The following TLK2 variants were observed in gnomAD, a reference collection of about 807,000 sequenced individuals.
The protein encoded by TLK2 is serine/threonine-protein kinase tousled-like 2.
A neutral mutation model predicts 117.3 loss-of-function variants in TLK2; 6 were observed. The ratio of observed to expected loss-of-function variants is 0.05; its 90% CI spans 0.03 to 0.10. The LOEUF (loss-of-function observed/expected upper bound fraction) is 0.10, where lower values mean the gene tolerates loss of function less well. TLK2 is among the 10% of genes least tolerant of loss of function. The pLI is 1.00. For synonymous variants in TLK2, 257 were observed against 316.7 expected, an observed-to-expected ratio of 0.81 and a Z score of 2.00; for missense variants, 299 against 901.2, an observed-to-expected ratio of 0.33 and a Z score of 8.56.
chr17:62,501,546 A>G (rs1219318477), intron 2 of TLK2, among the ~76,000 whole-genome samples: 1 of 152,150 alleles, frequency 6.6e-6, no homozygotes, highest in African/African-American at 2.4e-5. Context: ...CAGCCTGGGC[A>G]ATATAGCAAA....
At chr17:62,607,558 G>C (rs1318459981) in intron 20 of TLK2, among the ~76,000 whole-genome samples, 2 of 151,912 alleles carry the variant, frequency 1.3e-5, no homozygotes, top group Non-Finnish European at 2.9e-5. Context: ...ATGGCAGCTC[G>C]GCATAGTTGA....
intron 16 of TLK2, among the ~76,000 whole-genome samples, chr17:62,586,865 A>AC (rs1418247547): frequency 1.3e-5 from 2 of 151,276 alleles, no homozygotes; most frequent in Non-Finnish European, 2.9e-5. Flanking sequence ...TAGAAACTAG[A>AC]CCCTAGGGAG....
chr17:62,522,849 A>G (rs1465661490), intron 4 of TLK2, among the ~76,000 whole-genome samples: 3 of 152,212 alleles, frequency 2.0e-5, no homozygotes, highest in African/African-American at 7.2e-5. Context: ...AAATCTACAG[A>G]TAATTCATTT....
intron 2 of TLK2, among the ~76,000 whole-genome samples, chr17:62,501,623 G>C (rs987908751): frequency 2.6e-5 from 4 of 151,374 alleles, no homozygotes; most frequent in Non-Finnish European, 5.9e-5. Context: ...GAAAGAATGA[G>C]AATCTGAATA....
At chr17:62,579,654 C>G (rs369273309) in intron 14 of TLK2, among the ~76,000 whole-genome samples, 1 of 152,126 alleles carries the variant, frequency 6.6e-6, no homozygotes, top group Admixed American at 6.6e-5. Flanking sequence ...AATGAATGCA[C>G]ATAGAACATG....
intron 2 of TLK2, among the ~76,000 whole-genome samples, chr17:62,491,512 C>T (rs2073109838): frequency 6.6e-6 from 1 of 152,128 alleles, no homozygotes; most frequent in Non-Finnish European, 1.5e-5. Flanking sequence ...TTGATCCTGG[C>T]TACTACTAGA....
chr17:62,563,440 C>G (rs928968252), intron 10 of TLK2, among the ~76,000 whole-genome samples: 4 of 151,976 alleles, frequency 2.6e-5, no homozygotes, highest in African/African-American at 9.7e-5. Context: ...GAGACCCTGT[C>G]TCTTAAAATA....
At chr17:62,607,413 C>T (rs2083391050) in intron 20 of TLK2, among the ~76,000 whole-genome samples, 1 of 151,792 alleles carries the variant, frequency 6.6e-6, no homozygotes, top group East Asian at 1.9e-4. Flanking sequence ...CCTGTAGTCC[C>T]AGCTACTCGG....
intron 2 of TLK2, among the ~76,000 whole-genome samples, chr17:62,508,168 GTTTTTTTTTT>G (rs34268998): frequency 8.0e-6 from 1 of 125,760 alleles, no homozygotes; most frequent in African/African-American, 3.0e-5. Flanking sequence ...AAATTTCCTA[GTTTTTTTTTT>G]TTTTTTTTTG....
intron 6 of TLK2, among the ~76,000 whole-genome samples, chr17:62,532,376 C>A (rs545698391): frequency 2.6e-5 from 4 of 152,274 alleles, no homozygotes; most frequent in African/African-American, 7.2e-5. Flanking sequence ...GCAGCTCGTT[C>A]TCCCATGCAG....
chr17:62,570,703 C>T (rs1390056806), intron 11 of TLK2, among the ~76,000 whole-genome samples: 1 of 152,084 alleles, frequency 6.6e-6, no homozygotes, highest in Admixed American at 6.6e-5. Flanking sequence ...TCAGAATGTG[C>T]AGTTTAGGAT....
intron 13 of TLK2, among the ~76,000 whole-genome samples, chr17:62,577,901 G>A (rs1283275609): frequency 2.0e-5 from 3 of 152,116 alleles, no homozygotes; most frequent in Non-Finnish European, 4.4e-5. Flanking sequence ...CAAAAAATTA[G>A]CTGGGCGTGG....
chr17:62,600,012 ATACTT>A (rs1272973080), intron 17 of TLK2, among the ~76,000 whole-genome samples: 2 of 152,232 alleles, frequency 1.3e-5, no homozygotes, highest in African/African-American at 2.4e-5. Flanking sequence ...CATAGATACT[ATACTT>A]TACAAGCTCT....
Position 62,591,956 on chromosome 17 carries a change from CT to C in TLK2, c.1461-4616del, listed in dbSNP as rs1015103461. Among the ~76,000 whole-genome samples the C allele has an allele frequency of 1.6e-3, 237 of 145,446 alleles. 1 individual carries two copies. The highest frequency in any genetic ancestry group is 2.6e-3 in the African/African-American group (104 of 40,026). On this transcript the variant is annotated intron_variant, in intron 16 of 21. Transcript: ENST00000346027. ...GTAAATAAGAACTACATTCTTTCTT[CT>C]TTTTTTTTTTTTCCGAGACAGAGTT...
intron 2 of TLK2, among the ~76,000 whole-genome samples, chr17:62,506,734 C>G (rs997175123): frequency 6.6e-6 from 1 of 151,974 alleles, no homozygotes; most frequent in Admixed American, 6.6e-5. Flanking sequence ...CTTCTAGTTT[C>G]TGTCTGTAAT....
At position 62,613,448 on chromosome 17, in the gene TLK2, T is replaced by G. The variant is rs2083928762; in HGVS notation, c.*883T>G. On this transcript the variant is annotated 3_prime_UTR_variant, in exon 22 of 22. Transcript: ENST00000346027. ...TTGACGGTTGTCCCTTTTAATTTATTTGAAGTGCTATTTTTTTAAATAAAG... is the reference window on the plus strand; with the variant it reads ...TTGACGGTTGTCCCTTTTAATTTATGTGAAGTGCTATTTTTTTAAATAAAG... The G allele has an allele frequency of 6.6e-6, 1 of 152,654 alleles. No individual in the cohort carries two copies. The highest frequency in any genetic ancestry group is 2.4e-5 in the African/African-American group (1 of 41,450). The allele number at this position is 152,654 out of a possible 1,614,324, so 9.5% of individuals were successfully genotyped here.
chr17:62,516,261 G>A (rs1598333413), intron 2 of TLK2: 1 of 847,360 alleles, frequency 1.2e-6, no homozygotes, highest in Admixed American at 2.3e-5. Flanking sequence ...TATAGTTTTA[G>A]TTCTTTTTTT....
At chr17:62,499,520 C>T (rs1250763636) in intron 2 of TLK2, among the ~76,000 whole-genome samples, 1 of 152,058 alleles carries the variant, frequency 6.6e-6, no homozygotes, top group Non-Finnish European at 1.5e-5. Flanking sequence ...TTGTTACATA[C>T]TCTGGACCAG....
At chr17:62,600,083 A>G (rs773539206) in intron 17 of TLK2, among the ~76,000 whole-genome samples, 8 of 152,252 alleles carry the variant, frequency 5.3e-5, no homozygotes, top group Non-Finnish European at 7.3e-5. Context: ...AGCTGTCAGA[A>G]GACGTAGTAT....
Sources: allele counts gnomAD v4.1 joint callset (sites outside exome capture counted in the v4.1 genomes callset), GRCh38; gene constraint gnomAD v4.1.1; transcripts MANE v1.5; gene names NCBI Gene and HGNC (gene_info 2026-07-23, HGNC 2026-07-21).